The following PICALM variants were observed in gnomAD, a reference collection of about 807,000 sequenced individuals.
PICALM encodes phosphatidylinositol binding clathrin assembly protein.
Under a neutral mutation model 80.5 loss-of-function variants are expected in PICALM, and 40 were observed. The ratio of observed to expected loss-of-function variants is 0.50; its 90% CI spans 0.39 to 0.65. The LOEUF (loss-of-function observed/expected upper bound fraction) is 0.65, where lower values mean the gene tolerates loss of function less well. PICALM is among the 30% of genes least tolerant of loss of function. The pLI is 0.00. For missense variants in PICALM, 676 were observed against 778.9 expected, an observed-to-expected ratio of 0.87 and a Z score of 1.57; for synonymous variants, 288 against 260.3, an observed-to-expected ratio of 1.11 and a Z score of -1.02.
chr11:85,965,213 T>C (rs1393396259), intron 19 of PICALM, among the ~76,000 whole-genome samples: 1 of 152,156 alleles, frequency 6.6e-6, no homozygotes, highest in Non-Finnish European at 1.5e-5. Context: ...TGTGATACCT[T>C]CCACCATACT....
intron 1 of PICALM, among the ~76,000 whole-genome samples, chr11:86,048,915 A>G (rs1196741611): frequency 6.6e-6 from 1 of 152,174 alleles, no homozygotes; most frequent in Non-Finnish European, 1.5e-5. Flanking sequence ...TTTTACTTCA[A>G]TAAGGAAATG....
In PICALM at chr11:86,057,938, G is replaced by A. The variant is rs143932167; in HGVS notation, c.130+10713C>T. Among the ~76,000 whole-genome samples the A allele has an allele frequency of 3.2e-3, 480 of 152,180 alleles. 4 individuals carry two copies. Among genetic ancestry groups the A allele is most frequent in the South Asian group, 0.01 (50 of 4,824 alleles). ...CCCCTATAGATACTGAAGGACAACC[G>A]CATATATTTATCACCTCACCTCAAA... is the stretch of plus-strand genomic sequence containing the variant. On this transcript the variant is annotated intron_variant, in intron 1 of 19. Transcript: ENST00000393346.
chr11:86,056,688 C>T (rs2137526532), intron 1 of PICALM, among the ~76,000 whole-genome samples: 1 of 152,226 alleles, frequency 6.6e-6, no homozygotes, highest in Non-Finnish European at 1.5e-5. Flanking sequence ...CCTAAGAGAA[C>T]TGAAAATATG....
At chr11:85,979,111 C>T (rs1024337876) in intron 17 of PICALM, among the ~76,000 whole-genome samples, 7 of 152,112 alleles carry the variant, frequency 4.6e-5, no homozygotes, top group Non-Finnish European at 7.4e-5. Context: ...TGCTCCAATT[C>T]CCTCAAGACA....
intron 1 of PICALM, among the ~76,000 whole-genome samples, chr11:86,046,300 C>G (rs2096070612): frequency 6.6e-6 from 1 of 152,146 alleles, no homozygotes; most frequent in Non-Finnish European, 1.5e-5. Flanking sequence ...CAAAAAAAAT[C>G]TAGAATCAAA....
intron 12 of PICALM, 134 bp downstream of exon 12, chr11:85,996,692 T>C (rs1014349535): frequency 5.9e-5 from 34 of 576,218 alleles, no homozygotes; most frequent in East Asian, 2.9e-4. Flanking sequence ...AGGGATAAAA[T>C]TGCTTCATTG....
At chr11:85,994,565 G>A (rs966588246) in intron 12 of PICALM, among the ~76,000 whole-genome samples, 8 of 152,026 alleles carry the variant, frequency 5.3e-5, no homozygotes, top group Admixed American at 6.5e-5. Flanking sequence ...TACAAGATTT[G>A]GGGATTATGA....
rs529619006 is a variant in PICALM at position 86,050,983 on chromosome 11, C to T, written c.130+17668G>A. The stretch of plus-strand genomic sequence containing the variant: ...GACTACAAGGATGCACCAACACACC[C>T]AGCTGAAAATTCACATTTTTGTTGC... On this transcript the variant is annotated intron_variant, in intron 1 of 19. Coordinates refer to ENST00000393346, the MANE Select transcript of PICALM (RefSeq NM_007166.4). Among the ~76,000 whole-genome samples the T allele has an allele frequency of 4.6e-5, 7 of 152,284 alleles. No individual in the cohort carries two copies. In the East Asian group the frequency reaches 1.3e-3, roughly 29 times the overall value.
intron 1 of PICALM, among the ~76,000 whole-genome samples, chr11:86,049,375 T>A (rs2096137293): frequency 6.6e-6 from 1 of 152,202 alleles, no homozygotes; most frequent in African/African-American, 2.4e-5. Context: ...ATTTTATCTT[T>A]GATATTCAGT....
At position 86,069,055 on chromosome 11, in the gene PICALM, A is replaced by G; in HGVS notation, c.-275T>C. On this transcript the variant is annotated 5_prime_UTR_variant, in exon 1 of 20. Transcript: ENST00000393346. ...CGGGTCAGCTGGAGCCGGGCAGGGT[A>G]AGAGGAACAGGCAGCTGCAGGAAAA... 1 of 407,266 alleles carries G rather than the reference A, an allele frequency of 2.5e-6. No individual in the cohort carries two copies. The highest frequency in any genetic ancestry group is 4.5e-6 in the Non-Finnish European group (1 of 224,018). The allele number at this position is 407,266 out of a possible 1,614,324, so 25.2% of individuals were successfully genotyped here.
At chr11:86,067,618 T>A (rs1285869050) in intron 1 of PICALM, among the ~76,000 whole-genome samples, 1 of 152,160 alleles carries the variant, frequency 6.6e-6, no homozygotes, top group African/African-American at 2.4e-5. Context: ...AATTAAAACA[T>A]CCAAACTCAA....
intron 17 of PICALM, among the ~76,000 whole-genome samples, chr11:85,978,984 T>A (rs1178677016): frequency 6.6e-6 from 1 of 152,038 alleles, no homozygotes; most frequent in East Asian, 1.9e-4. Flanking sequence ...CAGTGAGGTG[T>A]GTTATAGTGG....
At position 86,051,839 on chromosome 11, in the gene PICALM, C is replaced by T. The variant is rs201109791; in HGVS notation, c.130+16812G>A. ...CTGACCTCTAGTCAAGGTTCTTCAT[C>T]GCCATCTAAATGTCAGATTTATTCT... is the stretch of plus-strand genomic sequence containing the variant. On this transcript the variant is annotated intron_variant, in intron 1 of 19. Coordinates refer to ENST00000393346, the MANE Select transcript of PICALM (RefSeq NM_007166.4). 4.4e-4 allele frequency among the ~76,000 whole-genome samples: 67 copies of T among 152,266 alleles called. No homozygotes were observed. In the South Asian group the frequency reaches 0.012, roughly 27 times the overall value.
chr11:85,974,877 A>C, intron 18 of PICALM, 65 bp from the exon 19 acceptor site: 1 of 1,079,830 alleles, frequency 9.3e-7, no homozygotes, highest in Non-Finnish European at 1.4e-6. Context: ...TAAGTAAATA[A>C]CAATGACAAC....
intron 9 of PICALM, among the ~76,000 whole-genome samples, chr11:86,002,873 C>T (rs958874571): frequency 6.6e-6 from 1 of 151,954 alleles, no homozygotes; most frequent in African/African-American, 2.4e-5. Context: ...ATTAGCCGGC[C>T]GTGGTGGCAT....
Position 86,017,180 on chromosome 11 carries a change from G to A in PICALM, c.453-2217C>T, listed in dbSNP as rs537191649. Among the ~76,000 whole-genome samples, 39 of 150,386 alleles carry A rather than the reference G, an allele frequency of 2.6e-4. 2 individuals are homozygous for A. In the South Asian group the frequency reaches 8.2e-3, roughly 32 times the overall value. ...GGAGGTTGCAGGGAGCAGAGATCACGCCACTGCACTCCAGCCTGGGTGACA... is the reference window on the plus strand; with the variant it reads ...GGAGGTTGCAGGGAGCAGAGATCACACCACTGCACTCCAGCCTGGGTGACA... On this transcript the variant is annotated intron_variant, in intron 4 of 19. Coordinates refer to ENST00000393346, the MANE Select transcript of PICALM (RefSeq NM_007166.4).
At chr11:85,969,329 TAACAGCTCTCAA>T (rs1238801556) in intron 19 of PICALM, among the ~76,000 whole-genome samples, 1 of 152,192 alleles carries the variant, frequency 6.6e-6, no homozygotes, top group Non-Finnish European at 1.5e-5. Flanking sequence ...CTTAGGTAAG[TAACAGCTCTCAA>T]AACAAACACT....
At chr11:85,986,334 T>TCCCC (rs2094568641) in intron 13 of PICALM, among the ~76,000 whole-genome samples, 1 of 151,420 alleles carries the variant, frequency 6.6e-6, no homozygotes, top group Non-Finnish European at 1.5e-5. Flanking sequence ...TTATCGACTT[T>TCCCC]TTGTGAAACT....
Position 86,059,256 on chromosome 11 carries a change from TG to T in PICALM, c.130+9394del, listed in dbSNP as rs1299819368. ...TCATTCAATATTTACTGAGCACCCA[TG>T]GGGGGTTGCTGACTAGGTACTTGGA... On this transcript the variant is annotated intron_variant, in intron 1 of 19. Coordinates refer to ENST00000393346, the MANE Select transcript of PICALM (RefSeq NM_007166.4). Among the ~76,000 whole-genome samples, 4 of 152,304 alleles carry T rather than the reference TG, an allele frequency of 2.6e-5. No homozygotes were observed. The East Asian group carries it at 5.8e-4, about 22-fold the overall frequency.
Sources: allele counts gnomAD v4.1 joint callset (sites outside exome capture counted in the v4.1 genomes callset), GRCh38; gene constraint gnomAD v4.1.1; transcripts MANE v1.5; gene names NCBI Gene and HGNC (gene_info 2026-07-23, HGNC 2026-07-21).